Variants in DSG4 observed in about 807,000 individuals in gnomAD.
The protein encoded by DSG4 is desmoglein-4.
Under a neutral mutation model 93.1 loss-of-function variants are expected in DSG4, and 87 were observed. That is an observed-to-expected ratio of 0.93 (90% CI 0.79 to 1.12). The LOEUF is 1.12. Among genes scored for constraint, DSG4 ranks in the 50% most tolerant of loss-of-function variants. The pLI is 0.00. For synonymous variants in DSG4, 432 were observed against 452.9 expected (o/e 0.95, Z 0.59); for missense variants, 1,373 against 1,285.7 (o/e 1.07, Z -1.04).
intron 1 of DSG4, among the ~76,000 whole-genome samples, chr18:31,377,453 AC>A (rs2072089000): frequency 6.6e-6 from 1 of 152,216 alleles, no homozygotes; most frequent in Non-Finnish European, 1.5e-5. Context: ...AGTCATGAGA[AC>A]TTTTTCCAGT....
intron 1 of DSG4, among the ~76,000 whole-genome samples, chr18:31,377,584 A>T (rs2072090286): frequency 6.6e-6 from 1 of 152,176 alleles, no homozygotes; most frequent in African/African-American, 2.4e-5. Flanking sequence ...TACAGTAAAC[A>T]TGGCATCTTG....
chr18:31,393,731 AAGCCATTT>A (rs2072274940), intron 8 of DSG4, among the ~76,000 whole-genome samples: 4 of 152,146 alleles, frequency 2.6e-5, no homozygotes, highest in Admixed American at 2.6e-4. Flanking sequence ...GCATATTAGG[AAGCCATTT>A]AGCCTTCTGG....
chr18:31,413,295 A>G lies in DSG4; in HGVS notation c.2823A>G (p.Ala941=). The change falls in exon 16 of 16, where the codon GCA becomes GCG. Residue 941 remains alanine, a synonymous_variant. Transcript: ENST00000308128. ...PNVVVTEAVM[A]PVYDIQGNIC... Reference sequence around the variant, plus strand: ...TTGTAGTAACCGAAGCAGTAATGGCACCTGTCTATGATATTCAAGGGAATA... The same window carrying G: ...TTGTAGTAACCGAAGCAGTAATGGCGCCTGTCTATGATATTCAAGGGAATA... The G allele has an allele frequency of 6.2e-7, 1 of 1,614,106 alleles. No homozygotes were observed. The highest frequency in any genetic ancestry group is 8.5e-7 in the Non-Finnish European group (1 of 1,180,026).
rs960274960 is a variant in DSG4 at position 31,411,527 on chromosome 18, G to C, written c.2355+79G>C. 12 of 1,505,614 alleles carry C rather than the reference G, an allele frequency of 8.0e-6. No individual in the cohort carries two copies. The African/African-American group carries it at 1.2e-4, about 16-fold the overall frequency. 93.3% of individuals were successfully genotyped at this position (1,505,614 alleles called of 1,614,324 possible). A position where few individuals can be genotyped will look rare whatever the true frequency, so the allele number is the denominator to read the frequency against. ...AGTAAAATACTCACAATGGTAGTAG[G>C]CCTCTTCGGAAATATGCTGTTATTC... is the stretch of plus-strand genomic sequence containing the variant. On this transcript the variant is annotated intron_variant, in intron 15 of 15. Coordinates refer to ENST00000308128, the MANE Select transcript of DSG4 (RefSeq NM_177986.5).
At chr18:31,389,129 G>C (rs1254732193) in intron 5 of DSG4, 111 bp downstream of exon 5, 2 of 1,242,428 alleles carry the variant, frequency 1.6e-6, no homozygotes, top group Non-Finnish European at 2.3e-6. Context: ...AGCCACACTT[G>C]TATTTTGAAT....
At chr18:31,407,772 A>C (rs1287128802) in intron 12 of DSG4, among the ~76,000 whole-genome samples, 1 of 152,240 alleles carries the variant, frequency 6.6e-6, no homozygotes, top group African/African-American at 2.4e-5. Context: ...TTTTCCCAGA[A>C]TATAACTCTA....
chr18:31,402,060 A>G (rs1305583848), intron 10 of DSG4, among the ~76,000 whole-genome samples: 10 of 152,228 alleles, frequency 6.6e-5, no homozygotes, highest in Admixed American at 6.5e-4. Flanking sequence ...CTATGTTTGC[A>G]TATTGGTCAT....
At chr18:31,399,656 T>C in intron 9 of DSG4, 113 bp downstream of exon 9, 1 of 1,371,492 alleles carries the variant, frequency 7.3e-7, no homozygotes, top group Non-Finnish European at 1.0e-6. Flanking sequence ...GCTTTTATTA[T>C]TCCTTTGATT....
At chr18:31,381,382 T>TAA (rs199633630) in intron 1 of DSG4, among the ~76,000 whole-genome samples, 11 of 147,862 alleles carry the variant, frequency 7.4e-5, no homozygotes, top group African/African-American at 2.5e-4. Flanking sequence ...TTTTGCAAAT[T>TAA]AAAAAAAAAA....
At chr18:31,407,321 T>C (rs920489625) in intron 12 of DSG4, among the ~76,000 whole-genome samples, 1 of 152,190 alleles carries the variant, frequency 6.6e-6, no homozygotes, top group Admixed American at 6.5e-5. Flanking sequence ...TGAGCGCAGG[T>C]GACCCTGCGG....
intron 1 of DSG4, among the ~76,000 whole-genome samples, chr18:31,378,706 A>C (rs1308507757): frequency 6.6e-6 from 1 of 151,848 alleles, no homozygotes; most frequent in Admixed American, 6.6e-5. Context: ...TTTTTTCTTT[A>C]TGCTTGTCTA....
intron 12 of DSG4, among the ~76,000 whole-genome samples, chr18:31,406,799 A>AAGATTTT (rs2072432598): frequency 6.7e-6 from 1 of 150,196 alleles, no homozygotes; most frequent in Admixed American, 6.6e-5. Context: ...TTTTTTTGAG[A>AAGATTTT]TGGAATCTTG....
chr18:31,393,753 C>T (rs765058991), intron 8 of DSG4, among the ~76,000 whole-genome samples: 1 of 152,154 alleles, frequency 6.6e-6, no homozygotes, highest in Non-Finnish European at 1.5e-5. Context: ...CTTCTGGAAG[C>T]AAACATATCG....
chr18:31,382,509 G>A (rs1033711856), intron 1 of DSG4: 1 of 152,138 alleles, frequency 6.6e-6, no homozygotes, highest in African/African-American at 2.4e-5. Flanking sequence ...ACTTTTCACG[G>A]TCTAACTGAG....
intron 11 of DSG4, 128 bp from the exon 12 acceptor site, chr18:31,405,949 C>A: frequency 1.1e-6 from 1 of 934,248 alleles, no homozygotes. Flanking sequence ...GTACAAGGTG[C>A]TTTATGACTA....
intron 12 of DSG4, among the ~76,000 whole-genome samples, chr18:31,408,652 A>G (rs1302704850): frequency 6.6e-6 from 1 of 152,226 alleles, no homozygotes; most frequent in African/African-American, 2.4e-5. Context: ...ATCCTGGAGA[A>G]TGGGGCATCC....
At position 31,377,786 on chromosome 18, in the gene DSG4, C is replaced by T. The variant is rs148917171; in HGVS notation, c.48+827C>T. 2.3e-4 allele frequency among the ~76,000 whole-genome samples: 35 copies of T among 152,288 alleles called. 1 individual carries two copies. In the South Asian group the frequency reaches 5.6e-3, roughly 24 times the overall value. ...GGTAAGAGGACAGGATTATTAGGAA[C>T]TGTACAAATTTTTCAAAGTAAATTA... On this transcript the variant is annotated intron_variant, in intron 1 of 15. Transcript: ENST00000308128.
At chr18:31,389,961 C>G (rs1429010722) in intron 5 of DSG4, among the ~76,000 whole-genome samples, 1 of 152,098 alleles carries the variant, frequency 6.6e-6, no homozygotes, top group Non-Finnish European at 1.5e-5. Context: ...AAGGTGAAAC[C>G]CACAACCAAG....
At chr18:31,381,467 T>C (rs2072133888) in intron 1 of DSG4, among the ~76,000 whole-genome samples, 1 of 152,164 alleles carries the variant, frequency 6.6e-6, no homozygotes, top group South Asian at 2.1e-4. Context: ...TCTTCAACTC[T>C]GCCAGCATTG....
Sources: gnomAD v4.1 joint callset for allele counts (sites outside exome capture counted in the v4.1 genomes callset) on GRCh38, gnomAD v4.1.1 for gene constraint, MANE v1.5 for transcripts, NCBI Gene and HGNC (gene_info 2026-07-23, HGNC 2026-07-21) for gene names.